The following MLLT1 variants were observed in gnomAD, a reference collection of about 807,000 sequenced individuals.
MLLT1 encodes MLLT1 super elongation complex subunit, also known as protein ENL.
A neutral mutation model predicts 55.1 loss-of-function variants in MLLT1; 11 were observed. The ratio of observed to expected loss-of-function variants is 0.20; its 90% CI spans 0.13 to 0.33. MLLT1 has a LOEUF of 0.33. MLLT1 is among the 10% of genes least tolerant of loss of function. MLLT1 has a pLI of 1.00. For synonymous variants in MLLT1, 323 were observed against 320.1 expected (o/e 1.01, Z -0.10); for missense variants, 536 against 760.6 (o/e 0.70, Z 3.47).
Position 6,226,957 on chromosome 19 carries a change from G to C in MLLT1, c.546+20C>G. 6.4e-7 allele frequency: 1 copy of C among 1,571,812 alleles called. No individual in the cohort carries two copies. On this transcript the variant is annotated intron_variant, in intron 5 of 11. Transcript: ENST00000252674. The surrounding 1 kb of genome is among the most constrained non-coding windows in gnomAD (Gnocchi z 6.3). ...TGGGCCCCGGCGCTCCCACGCGACTGGGCCTTCCGCCTCACTAACCTTGGA... is the reference window on the plus strand; with the variant it reads ...TGGGCCCCGGCGCTCCCACGCGACTCGGCCTTCCGCCTCACTAACCTTGGA...
chr19:6,268,969 G>T (rs1408290566), intron 2 of MLLT1, among the ~76,000 whole-genome samples: 1 of 152,224 alleles, frequency 6.6e-6, no homozygotes, highest in East Asian at 1.9e-4. Context: ...GCCTCAAAGT[G>T]GATGGAAATC....
At chr19:6,279,229 T>A (rs1255760247) in intron 1 of MLLT1, among the ~76,000 whole-genome samples, 1 of 151,980 alleles carries the variant, frequency 6.6e-6, no homozygotes, top group African/African-American at 2.4e-5. Flanking sequence ...GGTTGGGGAC[T>A]CTGGGAGTTT....
intron 1 of MLLT1, among the ~76,000 whole-genome samples, chr19:6,279,300 G>A (rs2091444434): frequency 1.3e-5 from 2 of 152,174 alleles, no homozygotes; most frequent in Admixed American, 6.5e-5. Flanking sequence ...CCTGGACCTA[G>A]AGACGGAAAG....
chr19:6,245,567 C>T (rs938676476), intron 3 of MLLT1, among the ~76,000 whole-genome samples: 35 of 151,988 alleles, frequency 2.3e-4, no homozygotes, highest in Non-Finnish European at 1.8e-4. Context: ...AAAAATTAGC[C>T]GGGCATGCTG....
In MLLT1 at chr19:6,230,838, GC is replaced by G; in HGVS notation, c.277-126del. The G allele has an allele frequency of 8.1e-7, 1 of 1,240,292 alleles. No homozygotes were observed. Among genetic ancestry groups the G allele is most frequent in the Non-Finnish European group, 1.1e-6 (1 of 886,488 alleles). 76.8% of individuals were successfully genotyped at this position (1,240,292 alleles called of 1,614,324 possible). ...CTCTGTTCCCCTCCCTCCGATTTGC[GC>G]CCACTTCTCTCTCAGGGCACCTCCT... is the stretch of plus-strand genomic sequence containing the variant. On this transcript the variant is annotated intron_variant, in intron 3 of 11. Transcript: ENST00000252674. This position sits in a 1 kb window ranked among gnomAD's most constrained non-coding sequence, Gnocchi z 9.0.
chr19:6,276,027 C>G (rs1437101299), intron 1 of MLLT1, among the ~76,000 whole-genome samples: 1 of 152,208 alleles, frequency 6.6e-6, no homozygotes, highest in Non-Finnish European at 1.5e-5. Context: ...CCAGGTGGGC[C>G]TGGCTGCAAA....
At chr19:6,233,200 C>T (rs183892124) in intron 3 of MLLT1, among the ~76,000 whole-genome samples, 2 of 152,358 alleles carry the variant, frequency 1.3e-5, no homozygotes, top group African/African-American at 4.8e-5. Context: ...CACCAGGCTC[C>T]GCAAGCTCCG....
chr19:6,269,880 G>A (rs941557564), intron 2 of MLLT1, among the ~76,000 whole-genome samples: 5 of 152,158 alleles, frequency 3.3e-5, no homozygotes, highest in African/African-American at 7.2e-5. Context: ...TCACACTGGC[G>A]ACTCAGCGGT....
chr19:6,265,049 C>CA (rs2091336941), intron 2 of MLLT1, among the ~76,000 whole-genome samples: 1 of 23,300 alleles, frequency 4.3e-5, no homozygotes, highest in Non-Finnish European at 1.2e-4. Flanking sequence ...AAAAAAAAAA[C>CA]AAAAAAACAA....
At chr19:6,267,468 T>C (rs1386547764) in intron 2 of MLLT1, among the ~76,000 whole-genome samples, 1 of 150,644 alleles carries the variant, frequency 6.6e-6, no homozygotes, top group Admixed American at 6.6e-5. Context: ...AATGAAGGTA[T>C]GCTAAAGACA....
rs1274254089 is a variant in MLLT1, at chr19:6,270,511, C to T, written c.193+68G>A. 6.7e-7 allele frequency: 1 copy of T among 1,502,724 alleles called. No homozygotes were observed. Among genetic ancestry groups the T allele is most frequent in the African/African-American group, 1.4e-5 (1 of 72,232 alleles). 93.1% of individuals were successfully genotyped at this position (1,502,724 alleles called of 1,614,324 possible). ...TGCTGCTCCTGAGGGAGGGGTGGAGCCTGGCCTTGGGAGGAGTGAAGACAG... is the reference window on the plus strand; with the variant it reads ...TGCTGCTCCTGAGGGAGGGGTGGAGTCTGGCCTTGGGAGGAGTGAAGACAG... On this transcript the variant is annotated intron_variant, in intron 2 of 11. Coordinates refer to ENST00000252674, the MANE Select transcript of MLLT1 (RefSeq NM_005934.4). The surrounding 1 kb of genome is among the most constrained non-coding windows in gnomAD (Gnocchi z 7.1).
chr19:6,244,997 T>C (rs1264019462), intron 3 of MLLT1, among the ~76,000 whole-genome samples: 1 of 151,982 alleles, frequency 6.6e-6, no homozygotes, highest in Non-Finnish European at 1.5e-5. Flanking sequence ...GGGGGGAATG[T>C]AAAATGGCAC....
chr19:6,214,087 C>T (rs2090812278), intron 8 of MLLT1, 49 bp from the exon 9 acceptor site: 1 of 1,200,384 alleles, frequency 8.3e-7, no homozygotes, highest in Non-Finnish European at 1.1e-6. Flanking sequence ...CACCACGGCC[C>T]CCACCCCACC....
At position 6,213,933 on chromosome 19, in the gene MLLT1, G is replaced by C. The variant is rs199880646; in HGVS notation, c.1407+6C>G. On this transcript the variant is annotated splice_donor_region_variant and intron_variant, in intron 9 of 11. Transcript: ENST00000252674. Reference sequence around the variant, plus strand: ...TGCACCCCCTGCCTGCAGGCCCCAGGCTCACCTTGCTGTTGGGCGGGGGTG... The same window carrying C: ...TGCACCCCCTGCCTGCAGGCCCCAGCCTCACCTTGCTGTTGGGCGGGGGTG... The C allele has an allele frequency of 1.8e-4, 261 of 1,453,180 alleles. 1 individual carries two copies. In the East Asian group the frequency reaches 6.2e-3, roughly 35 times the overall value. 90.0% of individuals were successfully genotyped at this position (1,453,180 alleles called of 1,614,324 possible). A position where few individuals can be genotyped will look rare whatever the true frequency, so the allele number is the denominator to read the frequency against.
chr19:6,211,643 G>C lies in MLLT1; in HGVS notation c.*1399C>G. On this transcript the variant is annotated 3_prime_UTR_variant, in exon 12 of 12. Transcript: ENST00000252674. This position sits in a 1 kb window ranked among gnomAD's most constrained non-coding sequence, Gnocchi z 4.6. ...TCCTCATAACTTGGTCAGGGCACAA[G>C]GACTTGAAAGGACTTGAAAGTCAGG... 1 of 1,064,470 alleles carries C rather than the reference G, an allele frequency of 9.4e-7. No homozygotes were observed. The highest frequency in any genetic ancestry group is 1.1e-6 in the Non-Finnish European group (1 of 878,742). The allele number at this position is 1,064,470 out of a possible 1,614,324, so 65.9% of individuals were successfully genotyped here.
At chr19:6,278,011 G>A (rs1490260021) in intron 1 of MLLT1, among the ~76,000 whole-genome samples, 27 of 152,188 alleles carry the variant, frequency 1.8e-4, no homozygotes, top group Admixed American at 1.8e-3. Context: ...GGTGCCAGAA[G>A]CATGAGACAC....
At chr19:6,217,626 C>T (rs539350963) in intron 7 of MLLT1, among the ~76,000 whole-genome samples, 74 of 152,202 alleles carry the variant, frequency 4.9e-4, no homozygotes, top group African/African-American at 1.3e-3. Context: ...GAGGTGACGC[C>T]GTCCGTCCAT....
intron 8 of MLLT1, among the ~76,000 whole-genome samples, chr19:6,215,947 AGCT>A (rs147564437): frequency 0.03 from 4,573 of 152,222 alleles, 220 homozygotes; most frequent in African/African-American, 0.11. Flanking sequence ...AGGCAGCCAA[AGCT>A]GCTCCCACAC....
chr19:6,262,166 T>TG lies in MLLT1; in HGVS notation c.276+61dup. ...CTCTGGCCTGTTTTGTGAACTGCCG[T>TG]GGCACCCGGAGCAGGGGTCCCCACA... On this transcript the variant is annotated intron_variant, in intron 3 of 11. Transcript: ENST00000252674. This position sits in a 1 kb window ranked among gnomAD's most constrained non-coding sequence, Gnocchi z 4.4. 1.5e-6 allele frequency: 2 copies of TG among 1,339,580 alleles called. No homozygotes were observed. Among genetic ancestry groups the TG allele is most frequent in the Non-Finnish European group, 1.1e-6 (1 of 932,150 alleles). 83.0% of individuals were successfully genotyped at this position (1,339,580 alleles called of 1,614,324 possible). A position where few individuals can be genotyped will look rare whatever the true frequency, so the allele number is the denominator to read the frequency against.
Sources: allele counts gnomAD v4.1 joint callset (sites outside exome capture counted in the v4.1 genomes callset), GRCh38; gene constraint gnomAD v4.1.1; non-coding constraint Gnocchi (gnomAD v3.1); transcripts MANE v1.5; gene names NCBI Gene and HGNC (gene_info 2026-07-23, HGNC 2026-07-21).